Variants in GRM8 observed in about 807,000 individuals in gnomAD.
GRM8 encodes the protein glutamate metabotropic receptor 8.
Under a neutral mutation model 87.2 loss-of-function variants are expected in GRM8, and 47 were observed. The ratio of observed to expected loss-of-function variants is 0.54; its 90% CI spans 0.43 to 0.69. The LOEUF (loss-of-function observed/expected upper bound fraction) is 0.69, where lower values mean the gene tolerates loss of function less well. GRM8 is among the 30% of genes least tolerant of loss of function. The pLI, the probability that GRM8 is intolerant of heterozygous loss-of-function variation, is 0.00. For synonymous variants in GRM8, 396 were observed against 404.5 expected, an observed-to-expected ratio of 0.98 and a Z score of 0.25; for missense variants, 1,019 against 1,139.2, an observed-to-expected ratio of 0.89 and a Z score of 1.52.
At chr7:126,956,779 G>A (rs1808731266) in intron 3 of GRM8, among the ~76,000 whole-genome samples, 1 of 152,214 alleles carries the variant, frequency 6.6e-6, no homozygotes, top group African/African-American at 2.4e-5. Context: ...AGCTTGTGAT[G>A]AGAAGACATG....
chr7:127,025,418 C>T (rs1225693774), intron 3 of GRM8, among the ~76,000 whole-genome samples: 1 of 152,092 alleles, frequency 6.6e-6, no homozygotes, highest in Non-Finnish European at 1.5e-5. Context: ...TGCTTGACTG[C>T]TATGAAACAA....
At chr7:126,866,966 C>T (rs189493005) in intron 6 of GRM8, among the ~76,000 whole-genome samples, 1 of 152,148 alleles carries the variant, frequency 6.6e-6, no homozygotes, top group Non-Finnish European at 1.5e-5. Context: ...CTTCTCTAAA[C>T]TAAAGATCTG....
intron 2 of GRM8, among the ~76,000 whole-genome samples, chr7:127,177,757 C>T (rs1170551751): frequency 3.3e-5 from 5 of 152,180 alleles, no homozygotes; most frequent in African/African-American, 1.2e-4. Context: ...ACAACAATCA[C>T]TGCAGTTTGG....
intron 8 of GRM8, among the ~76,000 whole-genome samples, chr7:126,549,646 A>G (rs1026600868): frequency 6.6e-6 from 1 of 152,212 alleles, no homozygotes; most frequent in East Asian, 1.9e-4. Flanking sequence ...AACTCTTATG[A>G]TCACATAATT....
chr7:126,939,746 G>A (rs1806709595), intron 3 of GRM8, among the ~76,000 whole-genome samples: 1 of 152,040 alleles, frequency 6.6e-6, no homozygotes, highest in Admixed American at 6.5e-5. Context: ...TGCTATTTTT[G>A]CAAGCCTGTT....
intron 6 of GRM8, among the ~76,000 whole-genome samples, chr7:126,880,101 G>A (rs1484894449): frequency 6.6e-6 from 1 of 152,174 alleles, no homozygotes; most frequent in Non-Finnish European, 1.5e-5. Context: ...TTGAATGACT[G>A]TTAAATAAGT....
At chr7:126,657,936 G>A (rs1205100200) in intron 7 of GRM8, among the ~76,000 whole-genome samples, 3 of 152,154 alleles carry the variant, frequency 2.0e-5, no homozygotes, top group South Asian at 2.1e-4. Flanking sequence ...CTCTAAAGCC[G>A]GAAACGACAA....
intron 2 of GRM8, among the ~76,000 whole-genome samples, chr7:127,203,768 C>CA (rs967481626): frequency 4.2e-4 from 60 of 142,700 alleles, no homozygotes; most frequent in Middle Eastern, 3.6e-3. Flanking sequence ...GTTGAAACCT[C>CA]AAAAAAAAGG....
At chr7:126,877,645 A>G (rs13311150) in intron 6 of GRM8, among the ~76,000 whole-genome samples, 3 of 152,180 alleles carry the variant, frequency 2.0e-5, no homozygotes, top group African/African-American at 7.2e-5. Context: ...TCCTATTCAG[A>G]TATGACTTGT....
intron 8 of GRM8, among the ~76,000 whole-genome samples, chr7:126,550,362 T>TCAGC (rs1280335335): frequency 2.0e-5 from 3 of 152,108 alleles, no homozygotes; most frequent in Admixed American, 2.0e-4. Context: ...TCCACCCGCC[T>TCAGC]CAGCCTCCCA....
chr7:127,166,528 G>C (rs1370411485), intron 2 of GRM8, among the ~76,000 whole-genome samples: 6 of 152,122 alleles, frequency 3.9e-5, no homozygotes, highest in Admixed American at 3.9e-4. Context: ...TGCTGGGATG[G>C]AGCCATCAAC....
At chr7:126,474,172 G>A (rs1216200793) in intron 9 of GRM8, among the ~76,000 whole-genome samples, 1 of 152,068 alleles carries the variant, frequency 6.6e-6, no homozygotes, top group African/African-American at 2.4e-5. Context: ...TGAAGTGCTA[G>A]ATTTCCAACT....
chr7:127,132,266 A>G (rs1282781403), intron 2 of GRM8, among the ~76,000 whole-genome samples: 2 of 152,202 alleles, frequency 1.3e-5, no homozygotes, highest in African/African-American at 4.8e-5. Context: ...TGAGATTCAC[A>G]CGCTAACAGA....
intron 8 of GRM8, among the ~76,000 whole-genome samples, chr7:126,584,888 A>G (rs1795948667): frequency 6.6e-6 from 1 of 152,206 alleles, no homozygotes; most frequent in Non-Finnish European, 1.5e-5. Flanking sequence ...CATGTTTATT[A>G]AAACAATGGT....
At chr7:127,144,707 AC>A (rs1828457917) in intron 2 of GRM8, among the ~76,000 whole-genome samples, 1 of 152,050 alleles carries the variant, frequency 6.6e-6, no homozygotes, top group African/African-American at 2.4e-5. Context: ...GTCTGTTCTC[AC>A]TGTCAGTGAG....
At chr7:126,996,544 C>T (rs17862255) in intron 3 of GRM8, among the ~76,000 whole-genome samples, 17,823 of 151,850 alleles carry the variant, frequency 0.12, 1,172 homozygotes, top group Admixed American at 0.18. Context: ...TGATCTGCTG[C>T]TTATAAAAAA....
intron 9 of GRM8, among the ~76,000 whole-genome samples, chr7:126,485,645 C>G (rs1268115800): frequency 1.3e-5 from 2 of 151,946 alleles, no homozygotes; most frequent in African/African-American, 4.8e-5. Flanking sequence ...ACAAGGGAGA[C>G]AAAACTGAAG....
intron 9 of GRM8, among the ~76,000 whole-genome samples, chr7:126,489,608 C>A (rs1322132842): frequency 6.6e-6 from 1 of 152,038 alleles, no homozygotes; most frequent in Non-Finnish European, 1.5e-5. Context: ...AAAGAAAGAT[C>A]TTGTAAAAAA....
intron 2 of GRM8, among the ~76,000 whole-genome samples, chr7:127,207,358 TAAGTG>T (rs1256292364): frequency 1.3e-5 from 2 of 152,208 alleles, no homozygotes; most frequent in African/African-American, 2.4e-5. Context: ...GGGAAGTAAT[TAAGTG>T]AAGATGAAAT....
Sources: gnomAD v4.1 joint callset for allele counts (sites outside exome capture counted in the v4.1 genomes callset) on GRCh38, gnomAD v4.1.1 for gene constraint, MANE v1.5 for transcripts, NCBI Gene and HGNC (gene_info 2026-07-23, HGNC 2026-07-21) for gene names.